HERPUD2: variants seen among roughly 807,000 people sequenced by gnomAD.
HERPUD2 encodes homocysteine-responsive endoplasmic reticulum-resident ubiquitin-like domain member 2 protein.
In HERPUD2, 13 loss-of-function variants were observed where a neutral mutation model predicts 49.9. The observed-to-expected ratio is 0.26, with a 90% confidence interval of 0.17 to 0.41. The LOEUF (loss-of-function observed/expected upper bound fraction) is 0.41. Among genes scored for constraint, HERPUD2 ranks in the 10% least tolerant of loss-of-function variants. The probability of loss-of-function intolerance (pLI) is 1.00; values close to 1 mark genes in which losing one functional copy is unlikely to be tolerated. For missense variants in HERPUD2, 449 were observed against 492.2 expected, an observed-to-expected ratio of 0.91 and a Z score of 0.83; for synonymous variants, 172 against 171.4, an observed-to-expected ratio of 1.00 and a Z score of -0.03.
At chr7:35,645,286 T>C (rs1227170365) in intron 5 of HERPUD2, among the ~76,000 whole-genome samples, 1 of 152,194 alleles carries the variant, frequency 6.6e-6, no homozygotes, top group East Asian at 1.9e-4. Flanking sequence ...AATAGAATGC[T>C]GTGCAATTAA....
chr7:35,646,220 C>T (rs1785052246), intron 5 of HERPUD2, among the ~76,000 whole-genome samples: 1 of 151,904 alleles, frequency 6.6e-6, no homozygotes, highest in South Asian at 2.1e-4. Flanking sequence ...TGTAAGGTTA[C>T]CAACACAGTA....
rs539437747 is a variant in HERPUD2 at position 35,647,691 on chromosome 7, G to A, written c.495-9219C>T. On this transcript the variant is annotated intron_variant, in intron 5 of 8. Coordinates refer to ENST00000311350, the MANE Select transcript of HERPUD2 (RefSeq NM_022373.5). Reference sequence around the variant, plus strand: ...AAATGATAGACAAAATAGTCACTTCGGCAATGCTGTTAAGAATATAGGCCT... The same window carrying A: ...AAATGATAGACAAAATAGTCACTTCAGCAATGCTGTTAAGAATATAGGCCT... 5.3e-5 allele frequency among the ~76,000 whole-genome samples: 8 copies of A among 152,252 alleles called. No homozygotes were observed. The East Asian group carries it at 5.8e-4, about 11-fold the overall frequency.
intron 5 of HERPUD2, among the ~76,000 whole-genome samples, chr7:35,666,487 G>C (rs558627789): frequency 1.2e-4 from 18 of 152,242 alleles, no homozygotes; most frequent in African/African-American, 4.1e-4. Flanking sequence ...CAATTCTGAG[G>C]TCCTAGCCAT....
chr7:35,639,577 AGGT>A (rs1784933973), intron 5 of HERPUD2, among the ~76,000 whole-genome samples: 1 of 152,240 alleles, frequency 6.6e-6, no homozygotes, highest in Non-Finnish European at 1.5e-5. Flanking sequence ...AGAGATAAAC[AGGT>A]AAGAAAATGC....
At chr7:35,654,673 CTTTTTTT>C (rs539830449) in intron 5 of HERPUD2, among the ~76,000 whole-genome samples, 1 of 129,896 alleles carries the variant, frequency 7.7e-6, no homozygotes, top group Middle Eastern at 3.9e-3. Context: ...TTGACCAAAA[CTTTTTTT>C]TTTTTTTTTT....
At chr7:35,648,429 G>C (rs1785095881) in intron 5 of HERPUD2, among the ~76,000 whole-genome samples, 1 of 152,176 alleles carries the variant, frequency 6.6e-6, no homozygotes, top group Non-Finnish European at 1.5e-5. Context: ...GTAGACTGCT[G>C]AGCCATGATG....
At chr7:35,642,310 C>T (rs192815684) in intron 5 of HERPUD2, among the ~76,000 whole-genome samples, 23 of 152,234 alleles carry the variant, frequency 1.5e-4, no homozygotes, top group Middle Eastern at 3.4e-3. Flanking sequence ...TAAAAAATAA[C>T]AGATGCTGGC....
intron 5 of HERPUD2, among the ~76,000 whole-genome samples, chr7:35,663,743 A>G (rs989718354): frequency 5.3e-5 from 8 of 151,136 alleles, no homozygotes; most frequent in Admixed American, 1.3e-4. Context: ...TTTGTTTTCC[A>G]TTTGCTTGGT....
At chr7:35,675,651 C>G (rs1207492957) in intron 2 of HERPUD2, among the ~76,000 whole-genome samples, 1 of 152,102 alleles carries the variant, frequency 6.6e-6, no homozygotes, top group Non-Finnish European at 1.5e-5. Flanking sequence ...CCCCCAGGTA[C>G]CATCTTCAAG....
At chr7:35,689,950 G>A (rs147093074) in intron 2 of HERPUD2, among the ~76,000 whole-genome samples, 188 of 152,206 alleles carry the variant, frequency 1.2e-3, no homozygotes, top group African/African-American at 4.5e-3. Flanking sequence ...AATGAGAAAG[G>A]TACCTAAGTG....
At position 35,694,524 on chromosome 7, in the gene HERPUD2, G is replaced by A. The variant is rs990106594; in HGVS notation, c.-194C>T. On this transcript the variant is annotated 5_prime_UTR_variant, in exon 2 of 9. Transcript: ENST00000311350. ...AGGATGGACTGAGGTGGTGGCGACTGCGACGGTGGGGTCTGGGTGCCCGGC... is the reference window on the plus strand; with the variant it reads ...AGGATGGACTGAGGTGGTGGCGACTACGACGGTGGGGTCTGGGTGCCCGGC... 1.3e-5 allele frequency: 8 copies of A among 609,166 alleles called. No homozygotes were observed. The highest frequency in any genetic ancestry group is 2.3e-5 in the Non-Finnish European group (8 of 349,368). 37.7% of individuals were successfully genotyped at this position (609,166 alleles called of 1,614,324 possible).
chr7:35,670,484 T>C (rs1785621743), intron 3 of HERPUD2, among the ~76,000 whole-genome samples, 156 bp from the exon 4 acceptor site: 1 of 151,972 alleles, frequency 6.6e-6, no homozygotes, highest in African/African-American at 2.4e-5. Context: ...AAATTTGTCA[T>C]TTTATTTGTG....
chr7:35,677,749 A>G (rs1399108686), intron 2 of HERPUD2, among the ~76,000 whole-genome samples: 1 of 152,196 alleles, frequency 6.6e-6, no homozygotes, highest in African/African-American at 2.4e-5. Flanking sequence ...AGTAGAAAGG[A>G]AAAAACTGAT....
intron 5 of HERPUD2, among the ~76,000 whole-genome samples, chr7:35,659,096 A>C (rs543185051): frequency 6.6e-6 from 1 of 152,376 alleles, no homozygotes; most frequent in Admixed American, 6.5e-5. Flanking sequence ...ATTATAAGCT[A>C]TACATAAATT....
chr7:35,685,446 C>T (rs569783920), intron 2 of HERPUD2, among the ~76,000 whole-genome samples: 7 of 151,442 alleles, frequency 4.6e-5, no homozygotes, highest in African/African-American at 1.5e-4. Context: ...GCCTCAGCCT[C>T]CCGAGTAGCT....
chr7:35,686,713 C>T (rs1275135555), intron 2 of HERPUD2, among the ~76,000 whole-genome samples: 1 of 31,724 alleles, frequency 3.2e-5, no homozygotes, highest in African/African-American at 9.3e-5. Context: ...AACGACACTC[C>T]GTCTCAAAAA....
chr7:35,667,318 T>C (rs1424549052), intron 5 of HERPUD2, 116 bp downstream of exon 5: 11 of 944,892 alleles, frequency 1.2e-5, no homozygotes, highest in African/African-American at 3.3e-5. Flanking sequence ...AAATCAAATA[T>C]ATGAATAAAT....
At chr7:35,660,564 G>A (rs1042932487) in intron 5 of HERPUD2, among the ~76,000 whole-genome samples, 2 of 152,054 alleles carry the variant, frequency 1.3e-5, no homozygotes, top group African/African-American at 2.4e-5. Context: ...TTTAATGATC[G>A]CCATTCTAAC....
chr7:35,679,473 C>A (rs1785832442), intron 2 of HERPUD2, among the ~76,000 whole-genome samples: 1 of 152,140 alleles, frequency 6.6e-6, no homozygotes, highest in South Asian at 2.1e-4. Context: ...GGAAAAGATG[C>A]AATAGCACCC....
Sources: allele counts gnomAD v4.1 joint callset (sites outside exome capture counted in the v4.1 genomes callset), GRCh38; gene constraint gnomAD v4.1.1; transcripts MANE v1.5; gene names NCBI Gene and HGNC (gene_info 2026-07-23, HGNC 2026-07-21).